Variants in NECTIN1 observed in about 807,000 individuals in gnomAD.
NECTIN1 encodes nectin cell adhesion molecule 1.
A neutral mutation model predicts 48.0 loss-of-function variants in NECTIN1; 23 were observed. The observed-to-expected ratio is 0.48, with a 90% confidence interval of 0.34 to 0.68. The LOEUF (loss-of-function observed/expected upper bound fraction) is 0.68, where lower values mean the gene tolerates loss of function less well. NECTIN1 is among the 30% of genes least tolerant of loss of function. The pLI is 0.01. For synonymous variants in NECTIN1, 270 were observed against 288.9 expected (o/e 0.93, Z 0.66); for missense variants, 591 against 709.9 (o/e 0.83, Z 1.90).
rs939577510 is a variant in NECTIN1 at position 119,677,987 on chromosome 11, C to T, written c.431-130G>A. The T allele has an allele frequency of 2.4e-5, 22 of 926,904 alleles. No individual in the cohort carries two copies. The highest frequency in any genetic ancestry group is 2.2e-4 in the Middle Eastern group (1 of 4,602). The allele number at this position is 926,904 out of a possible 1,614,324, so 57.4% of individuals were successfully genotyped here. The stretch of plus-strand genomic sequence containing the variant: ...TGGCCATCCCTGCCTCTCAGCTGTG[C>T]TGCACCAAAGACTGTCCCAGAACCT... On this transcript the variant is annotated intron_variant, in intron 2 of 5. Transcript: ENST00000264025. This position sits in a 1 kb window ranked among gnomAD's most constrained non-coding sequence, Gnocchi z 5.4.
intron 5 of NECTIN1, among the ~76,000 whole-genome samples, chr11:119,651,507 T>A (rs1396959098): frequency 6.6e-6 from 1 of 152,024 alleles, no homozygotes; most frequent in Non-Finnish European, 1.5e-5. Flanking sequence ...GCTCCTACCG[T>A]GGTTTTCCCT....
intron 1 of NECTIN1, among the ~76,000 whole-genome samples, chr11:119,690,481 G>A (rs1430258619): frequency 1.3e-5 from 2 of 152,192 alleles, no homozygotes; most frequent in Non-Finnish European, 2.9e-5. Context: ...GATGGGAAAC[G>A]GAACTAGCAA....
At chr11:119,638,671 C>T in intron 7 of NECTIN1, 1 of 1,468,334 alleles carries the variant, frequency 6.8e-7, no homozygotes, top group Non-Finnish European at 9.4e-7. Flanking sequence ...TTGGGGCCAT[C>T]TCCCATTTTT....
chr11:119,638,810 G>A (rs1419447328), intron 6 of NECTIN1: 2 of 1,612,932 alleles, frequency 1.2e-6, no homozygotes, highest in Admixed American at 3.3e-5. Flanking sequence ...GTCGGTCCTG[G>A]AGACAGAATG....
intron 1 of NECTIN1, among the ~76,000 whole-genome samples, chr11:119,726,045 A>T (rs1865902411): frequency 6.6e-6 from 1 of 152,210 alleles, no homozygotes; most frequent in South Asian, 2.1e-4. Flanking sequence ...TGTTGAAAAC[A>T]TACTTCTGTG....
intron 1 of NECTIN1, among the ~76,000 whole-genome samples, chr11:119,722,753 G>C (rs1865853993): frequency 6.6e-6 from 1 of 152,250 alleles, no homozygotes; most frequent in Admixed American, 6.5e-5. Flanking sequence ...GCAGTGCGCA[G>C]GCAGCTGAGT....
chr11:119,696,797 G>T (rs1865347557), intron 1 of NECTIN1, among the ~76,000 whole-genome samples: 1 of 152,204 alleles, frequency 6.6e-6, no homozygotes, highest in African/African-American at 2.4e-5. Flanking sequence ...GGCAGGCCCC[G>T]GAAAGCAGGA....
chr11:119,678,775 A>AG lies in NECTIN1; in HGVS notation c.80-11dup, dbSNP rs1419683753. ...ACCTGGGAGTGGACGCCTGGCCAGGAGGATGGCAGCAAGTGGTCAGTGTCA... is the reference window on the plus strand; with the variant it reads ...ACCTGGGAGTGGACGCCTGGCCAGGAGGGATGGCAGCAAGTGGTCAGTGTCA... On this transcript the variant is annotated splice_polypyrimidine_tract_variant and intron_variant, in intron 1 of 5. Coordinates refer to ENST00000264025, the MANE Select transcript of NECTIN1 (RefSeq NM_002855.5). The surrounding 1 kb of genome is among the most constrained non-coding windows in gnomAD (Gnocchi z 4.4). The AG allele has an allele frequency of 6.3e-7, 1 of 1,590,402 alleles. No homozygotes were observed. The highest frequency in any genetic ancestry group is 1.3e-5 in the African/African-American group (1 of 74,408).
intron 1 of NECTIN1, among the ~76,000 whole-genome samples, chr11:119,697,236 C>T (rs769471548): frequency 2.0e-5 from 3 of 151,940 alleles, no homozygotes; most frequent in African/African-American, 4.8e-5. Context: ...CAAGGGCTTG[C>T]GCTTTATTAT....
intron 5 of NECTIN1, among the ~76,000 whole-genome samples, chr11:119,671,436 TC>T (rs1305069900): frequency 2.0e-5 from 3 of 152,076 alleles, no homozygotes; most frequent in African/African-American, 7.2e-5. Context: ...AAGTGGGGGC[TC>T]TGCATGCCTT....
chr11:119,645,408 G>A (rs1021439512), intron 5 of NECTIN1, among the ~76,000 whole-genome samples: 1 of 152,136 alleles, frequency 6.6e-6, no homozygotes, highest in Non-Finnish European at 1.5e-5. Context: ...TCATTGTTAC[G>A]TTGAAACCCA....
At chr11:119,720,087 A>C (rs1865802841) in intron 1 of NECTIN1, among the ~76,000 whole-genome samples, 1 of 152,190 alleles carries the variant, frequency 6.6e-6, no homozygotes, top group Non-Finnish European at 1.5e-5. Context: ...GATGTGCTTT[A>C]GGTGGATTCA....
chr11:119,691,947 G>A (rs994681948), intron 1 of NECTIN1, among the ~76,000 whole-genome samples: 6 of 152,142 alleles, frequency 3.9e-5, no homozygotes, highest in Non-Finnish European at 7.4e-5. Context: ...CCTCTGCCGC[G>A]GCCTGTCTTC....
In NECTIN1 at chr11:119,675,149, A is replaced by G; in HGVS notation, c.1003+10T>C. The G allele has an allele frequency of 1.2e-6, 2 of 1,614,088 alleles. No homozygotes were observed. Among genetic ancestry groups the G allele is most frequent in the Middle Eastern group, 3.3e-4 (2 of 6,058 alleles). ...GGTGCGGAGAGGCTGGGGAGGATGC[A>G]GCTTCCTACCTGTGATATTGACCTC... On this transcript the variant is annotated intron_variant, in intron 5 of 5. Transcript: ENST00000264025.
At chr11:119,718,699 A>G (rs1754506247) in intron 1 of NECTIN1, among the ~76,000 whole-genome samples, 1 of 152,136 alleles carries the variant, frequency 6.6e-6, no homozygotes, top group Non-Finnish European at 1.5e-5. Context: ...AGGGGGCCCA[A>G]ATGGTATCAG....
rs1358181123 is a variant in NECTIN1, at chr11:119,663,033, G to T, written c.*1714C>A. On this transcript the variant is annotated 3_prime_UTR_variant, in exon 6 of 6. Coordinates refer to ENST00000264025, the MANE Select transcript of NECTIN1 (RefSeq NM_002855.5). ...GCAGCACCAGGGAGGGGAGGGGAGG[G>T]GTTGGGGGGCTCCCTTAGGAAGCCT... 1.0e-6 allele frequency: 1 copy of T among 984,974 alleles called. No individual in the cohort carries two copies. The highest frequency in any genetic ancestry group is 1.1e-4 in the East Asian group (1 of 8,792). The allele number at this position is 984,974 out of a possible 1,614,324, so 61.0% of individuals were successfully genotyped here.
At chr11:119,691,406 G>A (rs143182905) in intron 1 of NECTIN1, among the ~76,000 whole-genome samples, 289 of 152,336 alleles carry the variant, frequency 1.9e-3, no homozygotes, top group South Asian at 8.3e-3. Flanking sequence ...TGAGGTGGGC[G>A]GGGAAAGTGG....
chr11:119,706,567 C>T (rs1380729764), intron 1 of NECTIN1, among the ~76,000 whole-genome samples: 1 of 152,160 alleles, frequency 6.6e-6, no homozygotes, highest in Admixed American at 6.5e-5. Flanking sequence ...TGTGTTTCCC[C>T]CTAGAAAATA....
intron 1 of NECTIN1, among the ~76,000 whole-genome samples, chr11:119,713,245 G>A (rs905713219): frequency 1.3e-5 from 2 of 152,176 alleles, no homozygotes; most frequent in African/African-American, 4.8e-5. Flanking sequence ...GAGGGCTGTG[G>A]AGGGACAGAG....
Sources: allele counts gnomAD v4.1 joint callset (sites outside exome capture counted in the v4.1 genomes callset), GRCh38; gene constraint gnomAD v4.1.1; non-coding constraint Gnocchi (gnomAD v3.1); transcripts MANE v1.5; gene names NCBI Gene and HGNC (gene_info 2026-07-23, HGNC 2026-07-21).